MYOM1: variants seen among roughly 807,000 people sequenced by gnomAD.
The protein encoded by MYOM1 is myomesin-1.
In MYOM1, 164 loss-of-function variants were observed where a neutral mutation model predicts 205.3. That is an observed-to-expected ratio of 0.80 (90% CI 0.70 to 0.91). The LOEUF (loss-of-function observed/expected upper bound fraction) is 0.91, where lower values mean the gene tolerates loss of function less well. Among genes scored for constraint, MYOM1 ranks in the 40% least tolerant of loss-of-function variants. MYOM1 has a pLI of 0.00. For missense variants in MYOM1, 2,011 were observed against 2,127.3 expected, an observed-to-expected ratio of 0.95 and a Z score of 1.08; for synonymous variants, 772 against 789.4, an observed-to-expected ratio of 0.98 and a Z score of 0.37.
In MYOM1 at chr18:3,215,096, G is replaced by T. The variant is rs1356156921; in HGVS notation, c.128C>A (p.Ser43Tyr). 1 of 1,613,682 alleles carries T rather than the reference G, an allele frequency of 6.2e-7. No homozygotes were observed. The highest frequency in any genetic ancestry group is 8.5e-7 in the Non-Finnish European group (1 of 1,179,862). The change falls in exon 2 of 38, where the codon TCC becomes TAC. Residue 43 changes from serine to tyrosine, a missense_variant. By Grantham distance (144) the Ser-to-Tyr change is moderately radical. Coordinates refer to ENST00000356443, the MANE Select transcript of MYOM1 (RefSeq NM_003803.4). ...KKRSAVYTQG[S>Y]TAYSSRSSAA... ...GGAGGAGCGGCTGCTGTAGGCCGTG[G>T]AGCCCTGGGTGTAGACGGCGGAGCG...
chr18:3,070,998 A>G (rs1453556235), intron 37 of MYOM1, among the ~76,000 whole-genome samples: 1 of 151,968 alleles, frequency 6.6e-6, no homozygotes, highest in Non-Finnish European at 1.5e-5. Flanking sequence ...GGCTCAAGTG[A>G]TCTGCGTGCC....
intron 2 of MYOM1, among the ~76,000 whole-genome samples, chr18:3,212,026 T>C (rs747122736): frequency 1.3e-5 from 2 of 152,236 alleles, no homozygotes; most frequent in Non-Finnish European, 2.9e-5. Context: ...AAAGGAATTA[T>C]GAAGACTTTG....
the MYOM1 span, among the ~76,000 whole-genome samples, chr18:3,228,204 C>T: frequency 6.6e-6 from 1 of 152,168 alleles, no homozygotes; most frequent in Non-Finnish European, 1.5e-5. The surrounding 1 kb of genome is among the most constrained non-coding windows in gnomAD (Gnocchi z 4.5). Context: ...CAGTGGGCTG[C>T]ATTACAGAAG....
chr18:3,101,885 T>C (rs1387598850), intron 23 of MYOM1, among the ~76,000 whole-genome samples: 2 of 151,902 alleles, frequency 1.3e-5, no homozygotes, highest in African/African-American at 2.4e-5. Flanking sequence ...AGGGACTCAC[T>C]ATGTTGCCCA....
intron 6 of MYOM1, 119 bp downstream of exon 6, chr18:3,175,923 T>C (rs2080632635): frequency 1.5e-6 from 1 of 652,186 alleles, no homozygotes; most frequent in Non-Finnish European, 2.8e-6. Flanking sequence ...CGTATACGAA[T>C]GTCCCTCAGT....
intron 2 of MYOM1, among the ~76,000 whole-genome samples, chr18:3,194,677 G>T (rs1195756512): frequency 6.6e-6 from 1 of 152,096 alleles, no homozygotes; most frequent in East Asian, 1.9e-4. Flanking sequence ...CTGATGAAAT[G>T]AAAAGAATAG....
chr18:3,068,634 C>A (rs962611162), intron 37 of MYOM1, among the ~76,000 whole-genome samples: 6 of 152,148 alleles, frequency 3.9e-5, no homozygotes, highest in Non-Finnish European at 5.9e-5. Flanking sequence ...TAGAATCATG[C>A]ACTGTATAAC....
At chr18:3,244,266 A>C in the MYOM1 span, among the ~76,000 whole-genome samples, 1 of 152,194 alleles carries the variant, frequency 6.6e-6, no homozygotes, top group Non-Finnish European at 1.5e-5. Flanking sequence ...CCACTGCAAT[A>C]GTGGATCATA....
intron 5 of MYOM1, among the ~76,000 whole-genome samples, chr18:3,177,445 C>CACT (rs1555627213): frequency 7.2e-6 from 1 of 139,262 alleles, no homozygotes; most frequent in Non-Finnish European, 1.5e-5. Flanking sequence ...GAAGCAATAT[C>CACT]ATTATTATTA....
chr18:3,199,763 C>G (rs2081042353), intron 2 of MYOM1, among the ~76,000 whole-genome samples: 1 of 152,104 alleles, frequency 6.6e-6, no homozygotes, highest in African/African-American at 2.4e-5. Flanking sequence ...TCACTTGAAC[C>G]CGGGAGGTGG....
At chr18:3,164,132 C>G in intron 10 of MYOM1, 146 bp downstream of exon 10, 1 of 831,738 alleles carries the variant, frequency 1.2e-6, no homozygotes, top group South Asian at 1.9e-5. Flanking sequence ...GCTGGGATTA[C>G]AGGCGTGAGA....
Position 3,134,760 on chromosome 18 carries a change from C to T in MYOM1, c.2274G>A (p.Ser758=), listed in dbSNP as rs774986758. 22 of 1,613,772 alleles carry T rather than the reference C, an allele frequency of 1.4e-5. No homozygotes were observed. Among genetic ancestry groups the T allele is most frequent in the Admixed American group, 5.0e-5 (3 of 59,978 alleles). The change falls in exon 16 of 38, where the codon TCG becomes TCA. Residue 758 remains serine (S), a synonymous_variant. Coordinates refer to ENST00000356443, the MANE Select transcript of MYOM1 (RefSeq NM_003803.4). ...SRNTDTSVVV[S]WEESKDAKEL... ...CTTTGGCATCTTTGGACTCCTCCCA[C>T]GAAACTACCACTGAGGTGTCTGTGT...
Position 3,204,538 on chromosome 18 carries a change from T to C in MYOM1, c.290+10396A>G, listed in dbSNP as rs72861640. On this transcript the variant is annotated intron_variant, in intron 2 of 37. Transcript: ENST00000356443. The stretch of plus-strand genomic sequence containing the variant: ...AACAAAGAAGTATAACACTTGTACA[T>C]TGACAATTACAAAACATTATTATGA... 2.5e-3 allele frequency among the ~76,000 whole-genome samples: 379 copies of C among 152,084 alleles called. 1 individual carries two copies. Among genetic ancestry groups the C allele is most frequent in the Non-Finnish European group, 4.0e-3 (274 of 67,836 alleles).
chr18:3,157,723 A>C (rs529781282), intron 10 of MYOM1, among the ~76,000 whole-genome samples: 178 of 134,198 alleles, frequency 1.3e-3, no homozygotes, highest in African/African-American at 4.4e-3. Context: ...TAATAATAAT[A>C]ATCCTTCTTT....
intron 37 of MYOM1, among the ~76,000 whole-genome samples, chr18:3,070,401 C>T (rs976439034): frequency 7.9e-5 from 12 of 152,212 alleles, no homozygotes; most frequent in Non-Finnish European, 1.5e-4. Context: ...ATCCTCCTGC[C>T]TTGGCCTCCC....
chr18:3,086,198 T>C (rs758896459), intron 29 of MYOM1, 47 bp from the exon 30 acceptor site: 5 of 1,229,780 alleles, frequency 4.1e-6, no homozygotes, highest in Admixed American at 4.2e-5. Flanking sequence ...GAAAGTGTAC[T>C]CTTGTGAAGT....
intron 28 of MYOM1, 29 bp downstream of exon 28, chr18:3,089,508 T>C (rs1355166072): frequency 1.9e-6 from 3 of 1,565,024 alleles, no homozygotes; most frequent in Non-Finnish European, 2.6e-6. Flanking sequence ...AAATTAAAAA[T>C]TTTCTCTTTA....
At chr18:3,241,382 G>A in the MYOM1 span, among the ~76,000 whole-genome samples, 1 of 152,174 alleles carries the variant, frequency 6.6e-6, no homozygotes, top group African/African-American at 2.4e-5. Context: ...TGGCTGAAAG[G>A]GGCCAAGGTA....
At chr18:3,123,110 G>A (rs1598695488) in intron 19 of MYOM1, among the ~76,000 whole-genome samples, 1 of 152,156 alleles carries the variant, frequency 6.6e-6, no homozygotes, top group Non-Finnish European at 1.5e-5. Context: ...ACAGGTGTGA[G>A]CCACCATGCC....
Sources: gnomAD v4.1 joint callset for allele counts (sites outside exome capture counted in the v4.1 genomes callset) on GRCh38, gnomAD v4.1.1 for gene constraint, Gnocchi (gnomAD v3.1) non-coding constraint, MANE v1.5 for transcripts, NCBI Gene and HGNC (gene_info 2026-07-23, HGNC 2026-07-21) for gene names.